CLRN1: variants seen among roughly 807,000 people sequenced by gnomAD.
CLRN1 encodes the protein clarin 1.
Under a neutral mutation model 18.7 loss-of-function variants are expected in CLRN1, and 15 were observed. That is an observed-to-expected ratio of 0.80 (90% CI 0.54 to 1.23). The LOEUF is 1.23. Ranked by LOEUF, CLRN1 falls within the 50% of genes most tolerant of loss-of-function variation. CLRN1 has a pLI of 0.00. For missense variants in CLRN1, 311 were observed against 277.5 expected (o/e 1.12, Z -0.86); for synonymous variants, 104 against 102.9 (o/e 1.01, Z -0.07).
chr3:150,940,562 A>G lies in CLRN1; in HGVS notation c.433+1020T>C, dbSNP rs1243461014. The stretch of plus-strand genomic sequence containing the variant: ...ACAGTCGAATAGAGATTTTCATTAC[A>G]TTGTTTGCTTTGTGTGAGTTGTTAT... On this transcript the variant is annotated intron_variant, in intron 2 of 2. Transcript: ENST00000327047. 4 of 1,524,338 alleles carry G rather than the reference A, an allele frequency of 2.6e-6. No homozygotes were observed. The South Asian group carries it at 3.6e-5, about 14-fold the overall frequency. 94.4% of individuals were successfully genotyped at this position (1,524,338 alleles called of 1,614,324 possible).
chr3:150,932,328 A>G (rs1713201595), intron 2 of CLRN1, among the ~76,000 whole-genome samples: 1 of 152,126 alleles, frequency 6.6e-6, no homozygotes, highest in Non-Finnish European at 1.5e-5. Flanking sequence ...CTGTGCTTTT[A>G]TGAGTGGGAA....
intron 2 of CLRN1, among the ~76,000 whole-genome samples, chr3:150,935,261 A>T (rs961189522): frequency 6.6e-6 from 1 of 150,712 alleles, no homozygotes; most frequent in African/African-American, 2.4e-5. Context: ...GTCATTTAGC[A>T]TTAGGTATAT....
At chr3:150,969,467 C>T (rs1284721194) in intron 1 of CLRN1, among the ~76,000 whole-genome samples, 1 of 150,548 alleles carries the variant, frequency 6.6e-6, no homozygotes, top group Non-Finnish European at 1.5e-5. Context: ...GCTGGGACTA[C>T]AGGCGCCCCC....
intron 1 of CLRN1, among the ~76,000 whole-genome samples, chr3:150,954,991 C>T (rs1714667122): frequency 6.6e-6 from 1 of 152,190 alleles, no homozygotes; most frequent in Non-Finnish European, 1.5e-5. Flanking sequence ...AAACTGGAAA[C>T]AACTTAGTAT....
chr3:150,941,475 G>A (rs1713835843), intron 2 of CLRN1, 107 bp downstream of exon 2: 1 of 1,107,990 alleles, frequency 9.0e-7, no homozygotes, highest in Non-Finnish European at 1.3e-6. Context: ...ATACTACAGT[G>A]TGCATCCATG....
chr3:150,934,440 T>C (rs552097013), intron 2 of CLRN1, among the ~76,000 whole-genome samples: 1 of 152,328 alleles, frequency 6.6e-6, no homozygotes, highest in East Asian at 1.9e-4. Flanking sequence ...AAAGCCTATA[T>C]ATAAGAGAAT....
At position 150,950,585 on chromosome 3, in the gene CLRN1, A is replaced by C. The variant is rs566889111; in HGVS notation, c.254-8824T>G. 2.6e-5 allele frequency among the ~76,000 whole-genome samples: 4 copies of C among 152,356 alleles called. No homozygotes were observed. In the East Asian group the frequency reaches 5.8e-4, roughly 22 times the overall value. On this transcript the variant is annotated intron_variant, in intron 1 of 2. Coordinates refer to ENST00000327047, the MANE Select transcript of CLRN1 (RefSeq NM_174878.3). ...CATCACTGATCATTAGAGAAATGCA[A>C]ATCAAAACAACAATGAAATACCATC... is the stretch of plus-strand genomic sequence containing the variant.
At position 150,968,589 on chromosome 3, in the gene CLRN1, C is replaced by G. The variant is rs183444993; in HGVS notation, c.253+3867G>C. 8.9e-4 allele frequency among the ~76,000 whole-genome samples: 136 copies of G among 152,298 alleles called. 1 individual carries two copies. The highest frequency in any genetic ancestry group is 3.4e-3 in the Middle Eastern group (1 of 294). On this transcript the variant is annotated intron_variant, in intron 1 of 2. Transcript: ENST00000327047. ...GTCAATAGGGAACATTTAATAGGAA[C>G]AAACATGACTACATTGCCAAACTAT...
chr3:150,926,829 TGAAG>T lies in CLRN1; in HGVS notation c.*1103_*1106del, dbSNP rs1357634920. On this transcript the variant is annotated 3_prime_UTR_variant, in exon 3 of 3. Coordinates refer to ENST00000327047, the MANE Select transcript of CLRN1 (RefSeq NM_174878.3). ...TTTCTGGAGGACAGCAGGTTGAGGATGAAGGAAGGGTCAGTTCCAGGCTCAGCTG... is the reference window on the plus strand; with the variant it reads ...TTTCTGGAGGACAGCAGGTTGAGGATGAAGGGTCAGTTCCAGGCTCAGCTG... The T allele has an allele frequency of 1.2e-6, 2 of 1,613,826 alleles. No individual in the cohort carries two copies. The highest frequency in any genetic ancestry group is 1.7e-6 in the Non-Finnish European group (2 of 1,179,994).
chr3:150,948,854 T>C (rs1244972038), intron 1 of CLRN1, among the ~76,000 whole-genome samples: 1 of 152,122 alleles, frequency 6.6e-6, no homozygotes, highest in African/African-American at 2.4e-5. Flanking sequence ...CCCCAACTCA[T>C]TCTAGGAGGC....
intron 1 of CLRN1, among the ~76,000 whole-genome samples, chr3:150,968,826 C>G (rs1044718962): frequency 6.6e-6 from 1 of 152,112 alleles, no homozygotes; most frequent in African/African-American, 2.4e-5. Flanking sequence ...TAAAAATGAG[C>G]ATGTGACCCT....
At chr3:150,943,953 C>A (rs1714014571) in intron 1 of CLRN1, 1 of 1,580,626 alleles carries the variant, frequency 6.3e-7, no homozygotes, top group Non-Finnish European at 8.6e-7. Flanking sequence ...AAATGGGGTA[C>A]CCCTGTTGGG....
intron 1 of CLRN1, among the ~76,000 whole-genome samples, chr3:150,948,414 G>C (rs1199314125): frequency 1.3e-5 from 2 of 149,020 alleles, no homozygotes; most frequent in African/African-American, 2.5e-5. Context: ...AACCCGGGAG[G>C]CGGAGCTTGC....
chr3:150,934,579 C>A (rs1254034867), intron 2 of CLRN1, among the ~76,000 whole-genome samples: 1 of 152,142 alleles, frequency 6.6e-6, no homozygotes, highest in East Asian at 1.9e-4. Flanking sequence ...CACAGAACTG[C>A]TAGGATGTTC....
chr3:150,958,939 G>A (rs1411279841), intron 1 of CLRN1, among the ~76,000 whole-genome samples: 3 of 152,248 alleles, frequency 2.0e-5, no homozygotes, highest in Non-Finnish European at 2.9e-5. Context: ...TCTCTGTTAC[G>A]GTAACTGTCA....
rs943941458 is a variant in CLRN1, at chr3:150,927,874, C to A, written c.*62G>T. The A allele has an allele frequency of 6.3e-7, 1 of 1,592,694 alleles. No individual in the cohort carries two copies. The highest frequency in any genetic ancestry group is 8.6e-7 in the Non-Finnish European group (1 of 1,162,022). ...AGACTAAAAGGATATGCAAAATTAA[C>A]CACATCTAAAAGTGACCAAAGCAAG... On this transcript the variant is annotated 3_prime_UTR_variant, in exon 3 of 3. Coordinates refer to ENST00000327047, the MANE Select transcript of CLRN1 (RefSeq NM_174878.3).
rs181644378 is a variant in CLRN1, at chr3:150,962,634, G to T, written c.253+9822C>A. On this transcript the variant is annotated intron_variant, in intron 1 of 2. Coordinates refer to ENST00000327047, the MANE Select transcript of CLRN1 (RefSeq NM_174878.3). ...GAAAGAGTCTGCCATTTTGTTAATT[G>T]CTGTGGTGAAATCATTGCTGTGGTC... Among the ~76,000 whole-genome samples the T allele has an allele frequency of 6.6e-4, 100 of 152,204 alleles. 1 individual carries two copies. Among genetic ancestry groups the T allele is most frequent in the African/African-American group, 2.4e-3 (99 of 41,530 alleles).
chr3:150,963,677 A>G (rs1489178691), intron 1 of CLRN1, among the ~76,000 whole-genome samples: 1 of 152,244 alleles, frequency 6.6e-6, no homozygotes, highest in Non-Finnish European at 1.5e-5. Context: ...CTACAAGTCT[A>G]CAGTAACCAA....
intron 1 of CLRN1, among the ~76,000 whole-genome samples, chr3:150,952,995 T>A (rs1714567333): frequency 1.3e-5 from 2 of 152,186 alleles, no homozygotes; most frequent in African/African-American, 4.8e-5. Context: ...CAGCCAGAAC[T>A]CTCGTAACAC....
Sources: gnomAD v4.1 joint callset for allele counts (sites outside exome capture counted in the v4.1 genomes callset) on GRCh38, gnomAD v4.1.1 for gene constraint, MANE v1.5 for transcripts, NCBI Gene and HGNC (gene_info 2026-07-23, HGNC 2026-07-21) for gene names.